CROCC: variants seen among roughly 807,000 people sequenced by gnomAD.
CROCC encodes the protein rootletin.
Under a neutral mutation model 245.2 loss-of-function variants are expected in CROCC, and 180 were observed. That is an observed-to-expected ratio of 0.73 (90% CI 0.65 to 0.83). CROCC has a LOEUF of 0.83. CROCC is among the 40% of genes least tolerant of loss of function. The pLI, the probability that CROCC is intolerant of heterozygous loss-of-function variation, is 0.00. For missense variants in CROCC, 2,688 were observed against 2,779.4 expected (o/e 0.97, Z 0.74); for synonymous variants, 1,205 against 1,241.6 (o/e 0.97, Z 0.62).
At chr1:16,928,586 G>A (rs373071129) in intron 3 of CROCC, among the ~76,000 whole-genome samples, 8 of 151,990 alleles carry the variant, frequency 5.3e-5, no homozygotes, top group Non-Finnish European at 1.5e-5. Flanking sequence ...GGTGGATTAC[G>A]AGGTCAGGAG....
chr1:16,947,008 G>A lies in CROCC; in HGVS notation c.2514+17G>A. On this transcript the variant is annotated intron_variant, in intron 17 of 36. Coordinates refer to ENST00000375541, the MANE Select transcript of CROCC (RefSeq NM_014675.5). The stretch of plus-strand genomic sequence containing the variant: ...CTAGCGCAGGTGGGCAAAGCTGTGT[G>A]TGGGGGTGGTGTGGAGAGCATGTGG... The A allele has an allele frequency of 1.3e-6, 2 of 1,541,736 alleles. No homozygotes were observed. Among genetic ancestry groups the A allele is most frequent in the Non-Finnish European group, 1.8e-6 (2 of 1,142,242 alleles).
rs2100362069 is a variant in CROCC, at chr1:16,930,347, G to C, written c.683G>C (p.Arg228Thr). The change falls in exon 6 of 37, where the codon AGG (arginine) becomes ACG (threonine). Residue 228 changes from arginine (R) to threonine (T), a missense_variant and splice_region_variant. Physicochemically the swap from Arg to Thr is moderately conservative, Grantham distance 71. Around this residue, in one of 9 missense-constraint regions of CROCC, gnomAD observed 972 missense variants for 895.3 expected, o/e 1.09. Coordinates refer to ENST00000375541, the MANE Select transcript of CROCC (RefSeq NM_014675.5). ...ALIRLEEEQQRSASLAQVNAM... is the reference protein window; with the variant it reads ...ALIRLEEEQQTSASLAQVNAM... ...ATCCGGCTGGAGGAGGAGCAGCAGA[G>C]GTGAGGGCGCAGCAGGGAGGGCCAG... The C allele has an allele frequency of 6.2e-7, 1 of 1,610,724 alleles. No homozygotes were observed. The highest frequency in any genetic ancestry group is 2.2e-4 in the Middle Eastern group (1 of 4,578).
Position 16,946,460 on chromosome 1 carries a change from G to A in CROCC, c.2283+55G>A. The A allele has an allele frequency of 2.5e-6, 4 of 1,589,352 alleles. No homozygotes were observed. The South Asian group carries it at 3.4e-5, about 14-fold the overall frequency. On this transcript the variant is annotated intron_variant, in intron 16 of 36. Transcript: ENST00000375541. Reference sequence around the variant, plus strand: ...CTTGCCCACCCATCCTCCCCACTCAGTGAGGCACCCCGGGCCCAGCCCTGT... The same window carrying A: ...CTTGCCCACCCATCCTCCCCACTCAATGAGGCACCCCGGGCCCAGCCCTGT...
Position 16,946,910 on chromosome 1 carries a change from G to T in CROCC, c.2433G>T (p.Ala811=). The T allele has an allele frequency of 6.4e-7, 1 of 1,564,662 alleles. No homozygotes were observed. Among genetic ancestry groups the T allele is most frequent in the Non-Finnish European group, 8.7e-7 (1 of 1,155,152 alleles). Residue 811 remains alanine (A), a synonymous_variant, in exon 17 of 37, where the codon GCG becomes GCT. Transcript: ENST00000375541. ...RQGLEGSLRV[A]EQAQEALEQQ... ...GCCTGGAGGGCTCCCTACGAGTGGC[G>T]GAGCAGGCCCAGGAGGCATTGGAGC...
At chr1:16,938,667 G>A (rs1157940349) in intron 11 of CROCC, among the ~76,000 whole-genome samples, 184 bp downstream of exon 11, 1 of 152,296 alleles carries the variant, frequency 6.6e-6, no homozygotes, top group East Asian at 1.9e-4. Flanking sequence ...GTCTCAGAGG[G>A]GAGGCACGAC....
chr1:16,935,942 C>T (rs1384944102), intron 8 of CROCC, among the ~76,000 whole-genome samples: 1 of 152,270 alleles, frequency 6.6e-6, no homozygotes, highest in African/African-American at 2.4e-5. Context: ...AGGTCCTATG[C>T]ATGCATAGTT....
At chr1:16,955,092 C>G (rs2076227139) in intron 23 of CROCC, among the ~76,000 whole-genome samples, 1 of 152,136 alleles carries the variant, frequency 6.6e-6, no homozygotes, top group African/African-American at 2.4e-5. Context: ...GGTCTCTGCC[C>G]TCTTGGTGTT....
In CROCC at chr1:16,951,068, G is replaced by A; in HGVS notation, c.2952G>A (p.Leu984=). 1 of 1,601,548 alleles carries A rather than the reference G, an allele frequency of 6.2e-7. No individual in the cohort carries two copies. The highest frequency in any genetic ancestry group is 8.5e-7 in the Non-Finnish European group (1 of 1,175,202). Reference sequence around the variant, plus strand: ...CTGAGCGGGAGGCCCAGGCCTCTCTGCGGGAGCAGCGGGCAGCTCACGAGG... The same window carrying A: ...CTGAGCGGGAGGCCCAGGCCTCTCTACGGGAGCAGCGGGCAGCTCACGAGG... The part of the protein sequence containing the change: ...VQAEREAQAS[L]REQRAAHEED... The change falls in exon 20 of 37, where the codon CTG becomes CTA. Residue 984 remains leucine (L), a synonymous_variant. Transcript: ENST00000375541.
rs779496748 is a variant in CROCC at position 16,931,311 on chromosome 1, C to T, written c.870C>T (p.Ser290=). 55 of 1,611,906 alleles carry T rather than the reference C, an allele frequency of 3.4e-5. No homozygotes were observed. Among genetic ancestry groups the T allele is most frequent in the Non-Finnish European group, 4.1e-5 (48 of 1,178,546 alleles). Residue 290 remains serine (S), a synonymous_variant, in exon 8 of 37, where the codon AGC becomes AGT. Transcript: ENST00000375541. ...TCCAGTCCTTCAACGCCTACTTCAG[C>T]AACGAGCACAGTCGCCTGCTCCTCC... is the stretch of plus-strand genomic sequence containing the variant. The part of the protein sequence containing the change: ...REEESFNAYF[S]NEHSRLLLLW...
At chr1:16,965,637 T>C (rs2076403352) in intron 27 of CROCC, 86 bp from the exon 28 acceptor site, 4 of 1,000,606 alleles carry the variant, frequency 4.0e-6, no homozygotes, top group East Asian at 2.4e-5. Flanking sequence ...CTGAGGGCTG[T>C]TGGGAAAGGC....
intron 1 of CROCC, among the ~76,000 whole-genome samples, chr1:16,915,314 C>T (rs1467252059): frequency 3.3e-5 from 5 of 152,286 alleles, no homozygotes; most frequent in Non-Finnish European, 4.4e-5. Flanking sequence ...TGGCTCTTAG[C>T]ATTCATTAAT....
In CROCC at chr1:16,946,422, C is replaced by T. The variant is rs201593251; in HGVS notation, c.2283+17C>T. The T allele has an allele frequency of 8.1e-4, 1,307 of 1,605,110 alleles. No homozygotes were observed. Among genetic ancestry groups the T allele is most frequent in the Middle Eastern group, 1.7e-3 (8 of 4,694 alleles). ...GTCGCCCAGGTACGCTGTGCACCTGCGGGCCCACCTGCCTTGCCCACCCAT... is the reference window on the plus strand; with the variant it reads ...GTCGCCCAGGTACGCTGTGCACCTGTGGGCCCACCTGCCTTGCCCACCCAT... On this transcript the variant is annotated intron_variant, in intron 16 of 36. Transcript: ENST00000375541.
intron 8 of CROCC, among the ~76,000 whole-genome samples, chr1:16,932,946 G>A (rs2075710888): frequency 6.6e-6 from 1 of 152,270 alleles, no homozygotes. Context: ...TGTGCAGCTG[G>A]GACTACAGGT....
At chr1:16,933,775 C>A (rs533677803) in intron 8 of CROCC, among the ~76,000 whole-genome samples, 4 of 152,392 alleles carry the variant, frequency 2.6e-5, no homozygotes, top group African/African-American at 9.6e-5. Context: ...CCATGTTGGC[C>A]AGGCTGGTCT....
intron 5 of CROCC, 39 bp downstream of exon 5, chr1:16,930,246 CA>C (rs1487854685): frequency 1.3e-6 from 2 of 1,588,554 alleles, no homozygotes; most frequent in Non-Finnish European, 1.7e-6. Context: ...CCCTGCCCTC[CA>C]CCTGCCCAAC....
chr1:16,960,460 G>A (rs1244664383), intron 26 of CROCC, among the ~76,000 whole-genome samples: 1 of 152,142 alleles, frequency 6.6e-6, no homozygotes, highest in Non-Finnish European at 1.5e-5. Flanking sequence ...AATATTTTTT[G>A]GAAAGTTACT....
chr1:16,926,711 G>T (rs1161385969), intron 3 of CROCC, among the ~76,000 whole-genome samples: 1 of 152,272 alleles, frequency 6.6e-6, no homozygotes, highest in African/African-American at 2.4e-5. Context: ...GCGCAGCTGG[G>T]AATGGAAAGG....
In CROCC at chr1:16,971,550, A is replaced by C; in HGVS notation, c.5870A>C (p.Glu1957Ala). The C allele has an allele frequency of 6.5e-7, 1 of 1,536,790 alleles. No homozygotes were observed. The highest frequency in any genetic ancestry group is 8.7e-7 in the Non-Finnish European group (1 of 1,146,120). Residue 1957 changes from glutamate (E) to alanine (A), a missense_variant, in exon 36 of 37, where the codon GAG (glutamate) becomes GCG (alanine). Physicochemically the swap from Glu to Ala is moderately radical, Grantham distance 107. Coordinates refer to ENST00000375541, the MANE Select transcript of CROCC (RefSeq NM_014675.5). ...CAGCAGCAGCTGGAGCTGCAGCAGG[A>C]GGTGGAGCGGCTGCGCAGCGCCCAG... is the stretch of plus-strand genomic sequence containing the variant. ...AQQQQLELQQ[E>A]VERLRSAQAQ... is the part of the protein sequence containing the mutation.
chr1:16,914,347 C>T (rs1426395157), intron 1 of CROCC, among the ~76,000 whole-genome samples: 1 of 152,204 alleles, frequency 6.6e-6, no homozygotes, highest in Non-Finnish European at 1.5e-5. Flanking sequence ...CCATCCTGCC[C>T]GGATTGTCGC....
Sources: allele counts gnomAD v4.1 joint callset (sites outside exome capture counted in the v4.1 genomes callset), GRCh38; gene constraint gnomAD v4.1.1; regional missense constraint gnomAD v4.1.1; transcripts MANE v1.5; gene names NCBI Gene and HGNC (gene_info 2026-07-23, HGNC 2026-07-21).